Variants in DCDC1 observed in about 807,000 individuals in gnomAD.
DCDC1 encodes the protein doublecortin domain-containing protein 1.
In DCDC1, 200 loss-of-function variants were observed where a neutral mutation model predicts 178.3. The ratio of observed to expected loss-of-function variants is 1.12; its 90% CI spans 1.00 to 1.26. The LOEUF is 1.26. DCDC1 is among the 50% of genes most tolerant of loss of function. The pLI, the probability that DCDC1 is intolerant of heterozygous loss-of-function variation, is 0.00. For missense variants in DCDC1, 1,983 were observed against 1,749.2 expected, an observed-to-expected ratio of 1.13 and a Z score of -2.38; for synonymous variants, 690 against 604.8, an observed-to-expected ratio of 1.14 and a Z score of -2.07.
chr11:30,902,155 T>C (rs979357298), intron 32 of DCDC1, among the ~76,000 whole-genome samples: 1 of 152,268 alleles, frequency 6.6e-6, no homozygotes, highest in East Asian at 1.9e-4. Context: ...TAATGGCCAA[T>C]GTAATGATAT....
At position 30,864,440 on chromosome 11, in the gene DCDC1, T is replaced by C. The variant is rs576023187; in HGVS notation, c.*933A>G. ...TTCCTCTGAAAAGCAGAGAGGACTATCCCAGTATAACTCCATTTAATTTCA... is the reference window on the plus strand; with the variant it reads ...TTCCTCTGAAAAGCAGAGAGGACTACCCCAGTATAACTCCATTTAATTTCA... On this transcript the variant is annotated 3_prime_UTR_variant, in exon 39 of 39. Coordinates refer to ENST00000684477, the MANE Select transcript of DCDC1 (RefSeq NM_001387274.1). 1.3e-5 allele frequency: 2 copies of C among 152,256 alleles called. No individual in the cohort carries two copies. Among genetic ancestry groups the C allele is most frequent in the Non-Finnish European group, 2.9e-5 (2 of 68,048 alleles). The allele number at this position is 152,256 out of a possible 1,614,324, so 9.4% of individuals were successfully genotyped here. A position where few individuals can be genotyped will look rare whatever the true frequency, so the allele number is the denominator to read the frequency against.
At chr11:31,015,028 G>C (rs918359133) in intron 20 of DCDC1, among the ~76,000 whole-genome samples, 27 of 151,010 alleles carry the variant, frequency 1.8e-4, no homozygotes, top group Non-Finnish European at 3.5e-4. Flanking sequence ...CTCACTGCCA[G>C]CTCCGCCTCC....
chr11:31,314,103 G>A (rs932731275), intron 3 of DCDC1, among the ~76,000 whole-genome samples: 1 of 152,124 alleles, frequency 6.6e-6, no homozygotes, highest in Non-Finnish European at 1.5e-5. Context: ...ACCTGCCCTG[G>A]ATGATTTGAT....
chr11:31,368,204 G>T (rs1416366570), intron 1 of DCDC1, among the ~76,000 whole-genome samples: 2 of 152,146 alleles, frequency 1.3e-5, no homozygotes, highest in African/African-American at 4.8e-5. Context: ...ATTTGGTATT[G>T]CTGGGGAAAA....
At chr11:31,299,605 T>C (rs1947950743) in intron 6 of DCDC1, among the ~76,000 whole-genome samples, 1 of 152,152 alleles carries the variant, frequency 6.6e-6, no homozygotes, top group Admixed American at 6.5e-5. Flanking sequence ...CATAACTACT[T>C]GGCAGGTATT....
intron 17 of DCDC1, among the ~76,000 whole-genome samples, chr11:31,083,612 A>AT (rs1229456505): frequency 6.6e-6 from 1 of 152,102 alleles, no homozygotes; most frequent in Non-Finnish European, 1.5e-5. Context: ...GCCATTTCAG[A>AT]TTTTTTCTGA....
intron 20 of DCDC1, among the ~76,000 whole-genome samples, chr11:31,044,375 G>T (rs1954679974): frequency 6.6e-6 from 1 of 151,752 alleles, no homozygotes; most frequent in African/African-American, 2.4e-5. Context: ...TGCTCAGGAG[G>T]CTGAGGCAGG....
chr11:31,121,711 T>C (rs1960834162), intron 11 of DCDC1, among the ~76,000 whole-genome samples: 1 of 151,900 alleles, frequency 6.6e-6, no homozygotes, highest in Non-Finnish European at 1.5e-5. Context: ...TACAAGATGA[T>C]GTTGGCTACA....
Position 31,309,212 on chromosome 11 carries a change from G to T in DCDC1, c.165-1304C>A, listed in dbSNP as rs558093296. Among the ~76,000 whole-genome samples the T allele has an allele frequency of 4.6e-5, 7 of 151,822 alleles. No individual in the cohort carries two copies. The East Asian group carries it at 1.2e-3, about 25-fold the overall frequency. ...GTGGACCCAGGGGAACTACACCTCT[G>T]GAATCCAAGCAGTTGTATTCTGCTG... is the stretch of plus-strand genomic sequence containing the variant. On this transcript the variant is annotated intron_variant, in intron 3 of 38. Coordinates refer to ENST00000684477, the MANE Select transcript of DCDC1 (RefSeq NM_001387274.1).
chr11:31,182,144 A>T (rs1228228202), intron 9 of DCDC1, among the ~76,000 whole-genome samples: 1 of 152,254 alleles, frequency 6.6e-6, no homozygotes, highest in Non-Finnish European at 1.5e-5. Context: ...GACAAGGAGA[A>T]TGGAACAAAG....
rs750331273 is a variant in DCDC1, at chr11:30,899,616, T to A, written c.4690A>T (p.Lys1564Ter). ...NALQKAEKLE[K>*]QNWLKKDRIL... The stretch of plus-strand genomic sequence containing the variant: ...CTGTCCTTTTTTAGCCAGTTCTGTT[T>A]CTCTAATTTTTCTGCTTTCTGCAAA... The change falls in exon 34 of 39, where the codon AAA becomes TAA. Residue 1564 changes from lysine (K) to a stop codon, truncating the protein, a stop_gained. Transcript: ENST00000684477. LOFTEE classifies it high-confidence loss of function. The A allele has an allele frequency of 1.3e-6, 2 of 1,570,544 alleles. No homozygotes were observed. The highest frequency in any genetic ancestry group is 1.7e-6 in the Non-Finnish European group (2 of 1,157,876).
intron 11 of DCDC1, among the ~76,000 whole-genome samples, chr11:31,114,359 G>A (rs983818277): frequency 6.6e-6 from 1 of 152,158 alleles, no homozygotes; most frequent in Non-Finnish European, 1.5e-5. Flanking sequence ...GGGCCCTAAA[G>A]CTTAAGTTTC....
intron 9 of DCDC1, among the ~76,000 whole-genome samples, chr11:31,241,235 CAT>C (rs1977100442): frequency 6.6e-6 from 1 of 151,888 alleles, no homozygotes; most frequent in Admixed American, 6.6e-5. Context: ...AAAGATGAGA[CAT>C]ATGACATCTT....
At chr11:30,941,657 G>A (rs1947649691) in intron 21 of DCDC1, among the ~76,000 whole-genome samples, 1 of 152,010 alleles carries the variant, frequency 6.6e-6, no homozygotes, top group African/African-American at 2.4e-5. Flanking sequence ...ATTTTTAAAA[G>A]CTAGGACAAC....
chr11:31,360,686 A>G (rs1951663856), intron 1 of DCDC1, among the ~76,000 whole-genome samples: 1 of 152,210 alleles, frequency 6.6e-6, no homozygotes, highest in Admixed American at 6.5e-5. Context: ...AGGGAGAACT[A>G]CTGTAACTGT....
chr11:30,980,196 C>T (rs1950323959), intron 20 of DCDC1, among the ~76,000 whole-genome samples: 2 of 152,168 alleles, frequency 1.3e-5, no homozygotes, highest in African/African-American at 4.8e-5. Flanking sequence ...ATATAACTCA[C>T]ACCAAATACA....
At chr11:31,309,137 G>GTGTGTGTGTGT (rs1948621256) in intron 3 of DCDC1, among the ~76,000 whole-genome samples, 1 of 98,486 alleles carries the variant, frequency 1.0e-5, no homozygotes, top group Non-Finnish European at 2.2e-5. Flanking sequence ...AGGGAAAATA[G>GTGTGTGTGTGT]ATGTTTGTGT....
chr11:30,983,039 G>C (rs910007996), intron 20 of DCDC1, among the ~76,000 whole-genome samples: 2 of 152,114 alleles, frequency 1.3e-5, no homozygotes, highest in Non-Finnish European at 1.5e-5. Flanking sequence ...CTACTCTACA[G>C]CTGTGTTGGA....
intron 20 of DCDC1, among the ~76,000 whole-genome samples, chr11:31,021,647 G>A (rs925118194): frequency 1.3e-5 from 2 of 152,044 alleles, no homozygotes; most frequent in Non-Finnish European, 1.5e-5. Flanking sequence ...GACTGTGTAG[G>A]AGAAAAAATT....
Sources: allele counts gnomAD v4.1 joint callset (sites outside exome capture counted in the v4.1 genomes callset), GRCh38; gene constraint gnomAD v4.1.1; transcripts MANE v1.5; gene names NCBI Gene and HGNC (gene_info 2026-07-23, HGNC 2026-07-21).